LAMA1: variants seen among roughly 807,000 people sequenced by gnomAD.
LAMA1 encodes laminin subunit alpha-1.
Under a neutral mutation model 348.7 loss-of-function variants are expected in LAMA1, and 219 were observed. That is an observed-to-expected ratio of 0.63 (90% confidence interval 0.56 to 0.70). The LOEUF is 0.70. Among genes scored for constraint, LAMA1 ranks in the 30% least tolerant of loss-of-function variants. LAMA1 has a pLI of 0.00. For synonymous variants in LAMA1, 1,487 were observed against 1,491.0 expected (o/e 1.00, Z 0.06); for missense variants, 3,744 against 3,888.0 (o/e 0.96, Z 0.99).
At chr18:7,040,305 G>T in intron 9 of LAMA1, 69 bp from the exon 10 acceptor site, 1 of 1,536,686 alleles carries the variant, frequency 6.5e-7, no homozygotes, top group Non-Finnish European at 9.0e-7. Context: ...GTTGGCAAAT[G>T]TTTTCTGTAA....
intron 57 of LAMA1, among the ~76,000 whole-genome samples, chr18:6,952,902 A>G (rs1185392044): frequency 6.9e-3 from 557 of 80,556 alleles, no homozygotes; most frequent in Middle Eastern, 0.06. Flanking sequence ...TGTGTCCAGC[A>G]GATCCACGCC....
chr18:7,113,747 A>G (rs898232721), intron 1 of LAMA1, among the ~76,000 whole-genome samples: 3 of 152,124 alleles, frequency 2.0e-5, no homozygotes, highest in African/African-American at 7.2e-5. Flanking sequence ...TGAGAAAAAC[A>G]AACAATTCCT....
At position 6,962,140 on chromosome 18, in the gene LAMA1, G is replaced by C. The variant is rs1335411283; in HGVS notation, c.7338-81C>G. On this transcript the variant is annotated intron_variant, in intron 51 of 62. Transcript: ENST00000389658. ...TGAAAGAAGGAATACAAAGCCACTG[G>C]GCAAGGCACAGTGGCTTATGCCTGT... 13 of 952,232 alleles carry C rather than the reference G, an allele frequency of 1.4e-5. No homozygotes were observed. The East Asian group carries it at 2.9e-4, about 21-fold the overall frequency. 59.0% of individuals were successfully genotyped at this position (952,232 alleles called of 1,614,324 possible).
At chr18:6,956,300 G>A in intron 56 of LAMA1, 4 of 416,034 alleles carry the variant, frequency 9.6e-6, no homozygotes, top group Non-Finnish European at 1.8e-5. Context: ...TGTGCACAAT[G>A]GCTTTACATG....
chr18:7,019,258 G>A (rs992510418), intron 19 of LAMA1, among the ~76,000 whole-genome samples: 7 of 152,088 alleles, frequency 4.6e-5, no homozygotes, highest in South Asian at 2.1e-4. Context: ...CTCTTACCCC[G>A]TGGCTCTGCG....
intron 9 of LAMA1, among the ~76,000 whole-genome samples, chr18:7,041,081 C>T (rs1254481671): frequency 4.6e-5 from 7 of 151,844 alleles, no homozygotes; most frequent in Non-Finnish European, 1.0e-4. Context: ...GATGGTTGCA[C>T]CAATACACCA....
At chr18:7,098,860 C>T (rs1416211414) in intron 1 of LAMA1, among the ~76,000 whole-genome samples, 7 of 133,126 alleles carry the variant, frequency 5.3e-5, no homozygotes, top group East Asian at 4.5e-4. Context: ...GTCAGCCCCC[C>T]GCCCGGCCAG....
chr18:7,022,632 A>G (rs1002673247), intron 19 of LAMA1, among the ~76,000 whole-genome samples: 1 of 152,082 alleles, frequency 6.6e-6, no homozygotes, highest in African/African-American at 2.4e-5. Context: ...TGTGCAGGAG[A>G]ATCTAGTTTT....
rs756823172 is a variant in LAMA1, at chr18:7,008,492, C to G, written c.4118G>C (p.Cys1373Ser). The stretch of plus-strand genomic sequence containing the variant: ...TTTCGACTAGAGTCTCCGTACCTGA[C>G]ATGAGAATCCCACAGTGCCAGGAGG... ...VCPPGTVGFS[C>S]QDCAPGYHRG... is the part of the protein sequence containing the mutation. Residue 1373 changes from cysteine to serine, a missense_variant, in exon 28 of 63, where the codon TGT becomes TCT. Physicochemically the swap from Cys to Ser is moderately radical, Grantham distance 112. Coordinates refer to ENST00000389658, the MANE Select transcript of LAMA1 (RefSeq NM_005559.4). 1.9e-6 allele frequency: 3 copies of G among 1,614,060 alleles called. No homozygotes were observed. Among genetic ancestry groups the G allele is most frequent in the Non-Finnish European group, 2.5e-6 (3 of 1,179,956 alleles).
chr18:7,056,049 C>T (rs908303680), intron 3 of LAMA1, among the ~76,000 whole-genome samples: 11 of 150,618 alleles, frequency 7.3e-5, no homozygotes, highest in Admixed American at 4.0e-4. Flanking sequence ...CACTGCACTT[C>T]AGCCTGGGCG....
rs749455243 is a variant in LAMA1, at chr18:6,997,888, C to T, written c.4664-4G>A. ...CCTACACACTCATCATCACAGGCTA[C>T]AAGACAAATTTTTAAAAAGGAGAGT... On this transcript the variant is annotated splice_region_variant and splice_polypyrimidine_tract_variant and intron_variant, in intron 32 of 62. Coordinates refer to ENST00000389658, the MANE Select transcript of LAMA1 (RefSeq NM_005559.4). The T allele has an allele frequency of 4.3e-6, 7 of 1,613,878 alleles. No individual in the cohort carries two copies. In the South Asian group the frequency reaches 7.7e-5, roughly 18 times the overall value.
chr18:7,025,892 A>G, intron 17 of LAMA1, 87 bp downstream of exon 17: 2 of 1,520,948 alleles, frequency 1.3e-6, no homozygotes, highest in Middle Eastern at 4.6e-4. Context: ...TATTACACAC[A>G]CAGTCTTGCT....
chr18:6,942,814 A>C (rs1430983919), intron 62 of LAMA1, among the ~76,000 whole-genome samples: 1 of 152,192 alleles, frequency 6.6e-6, no homozygotes, highest in Admixed American at 6.5e-5. Flanking sequence ...AACATCTAAA[A>C]TACATAATTC....
At chr18:7,093,774 CT>C (rs34130725) in intron 1 of LAMA1, among the ~76,000 whole-genome samples, 40,111 of 124,432 alleles carry the variant, frequency 0.32, 6,019 homozygotes, top group African/African-American at 0.34. Flanking sequence ...GGTTTCTCAA[CT>C]TTTTTTTTTT....
chr18:7,044,162 C>CAAAAAAAAA (rs60402984), intron 7 of LAMA1, among the ~76,000 whole-genome samples: 1 of 40,194 alleles, frequency 2.5e-5, no homozygotes, highest in Non-Finnish European at 6.1e-5. Flanking sequence ...GACTCCATCT[C>CAAAAAAAAA]AAAAAAAAAA....
At chr18:7,027,672 G>C (rs971466993) in intron 16 of LAMA1, among the ~76,000 whole-genome samples, 1 of 152,204 alleles carries the variant, frequency 6.6e-6, no homozygotes, top group Non-Finnish European at 1.5e-5. Flanking sequence ...GCCAGGCGCG[G>C]TGGTTCACGC....
intron 25 of LAMA1, 78 bp from the exon 26 acceptor site, chr18:7,010,463 T>A: frequency 7.6e-7 from 1 of 1,323,356 alleles, no homozygotes. Flanking sequence ...ACTGCCACCA[T>A]AAGAGAGAAA....
chr18:7,031,903 G>T (rs1403518527), intron 16 of LAMA1, among the ~76,000 whole-genome samples, 163 bp downstream of exon 16: 1 of 126,010 alleles, frequency 7.9e-6, no homozygotes, highest in African/African-American at 3.2e-5. Flanking sequence ...AAAAAAAAAC[G>T]GGAAACATTT....
At chr18:7,000,104 T>C (rs1037381680) in intron 30 of LAMA1, 107 bp from the exon 31 acceptor site, 3 of 827,312 alleles carry the variant, frequency 3.6e-6, no homozygotes, top group Non-Finnish European at 4.0e-6. Context: ...CTCAAAGTTA[T>C]GTGATTACAC....
Sources: allele counts gnomAD v4.1 joint callset (sites outside exome capture counted in the v4.1 genomes callset), GRCh38; gene constraint gnomAD v4.1.1; transcripts MANE v1.5; gene names NCBI Gene and HGNC (gene_info 2026-07-23, HGNC 2026-07-21).